Variants in SLC25A16 observed in about 807,000 individuals in gnomAD.
SLC25A16 encodes the protein mitochondrial coenzyme A transporter SLC25A16.
Under a neutral mutation model 41.5 loss-of-function variants are expected in SLC25A16, and 39 were observed. The observed-to-expected ratio is 0.94, with a 90% CI of 0.73 to 1.23. The LOEUF (loss-of-function observed/expected upper bound fraction) is 1.23, where lower values mean the gene tolerates loss of function less well. SLC25A16 is among the 50% of genes most tolerant of loss of function. The pLI is 0.00. For synonymous variants in SLC25A16, 146 were observed against 147.8 expected (o/e 0.99, Z 0.09); for missense variants, 421 against 426.9 (o/e 0.99, Z 0.12).
chr10:68,515,305 C>T (rs577253148), intron 2 of SLC25A16, among the ~76,000 whole-genome samples: 25 of 147,102 alleles, frequency 1.7e-4, no homozygotes, highest in African/African-American at 6.3e-4. Flanking sequence ...TGTGGTGAGC[C>T]GAGATAGCGC....
chr10:68,485,663 G>A (rs1412870940), intron 8 of SLC25A16, among the ~76,000 whole-genome samples: 4 of 151,876 alleles, frequency 2.6e-5, no homozygotes, highest in South Asian at 2.1e-4. Flanking sequence ...GATTATAGGC[G>A]TGAGCCACTG....
chr10:68,484,273 G>C (rs566117229), intron 8 of SLC25A16, among the ~76,000 whole-genome samples: 8 of 152,216 alleles, frequency 5.3e-5, no homozygotes, highest in African/African-American at 1.7e-4. Context: ...AACAGCAGGT[G>C]GTTATAGAAC....
intron 4 of SLC25A16, among the ~76,000 whole-genome samples, chr10:68,494,203 G>A (rs1590100226): frequency 1.3e-5 from 2 of 152,102 alleles, no homozygotes; most frequent in African/African-American, 4.8e-5. Flanking sequence ...GGTGGCTCAC[G>A]CCTGTAATCC....
At chr10:68,509,390 T>C (rs1330694951) in intron 2 of SLC25A16, among the ~76,000 whole-genome samples, 1 of 151,838 alleles carries the variant, frequency 6.6e-6, no homozygotes, top group Non-Finnish European at 1.5e-5. Flanking sequence ...TACTCCTTCC[T>C]TATAATTTGA....
intron 4 of SLC25A16, among the ~76,000 whole-genome samples, chr10:68,502,771 AG>A (rs2052871350): frequency 3.3e-5 from 2 of 60,382 alleles, no homozygotes; most frequent in Non-Finnish European, 6.5e-5. Context: ...AGGGGAGGGG[AG>A]AAGAAAAGAG....
chr10:68,521,041 G>A (rs2053241774), intron 1 of SLC25A16, among the ~76,000 whole-genome samples: 1 of 151,920 alleles, frequency 6.6e-6, no homozygotes, highest in Non-Finnish European at 1.5e-5. Context: ...GGCTGAGGCA[G>A]GAGAATCACT....
chr10:68,493,099 G>T, intron 6 of SLC25A16, 33 bp downstream of exon 6: 3 of 1,216,326 alleles, frequency 2.5e-6, no homozygotes, highest in Non-Finnish European at 3.5e-6. Flanking sequence ...TTTTAAACAT[G>T]CATATTAGGA....
chr10:68,489,933 A>G (rs962320094), intron 6 of SLC25A16, among the ~76,000 whole-genome samples: 3 of 150,166 alleles, frequency 2.0e-5, no homozygotes, highest in African/African-American at 7.4e-5. Flanking sequence ...AAAGATTCAT[A>G]AGGGATTTCT....
At chr10:68,524,341 A>G (rs2133607846) in intron 1 of SLC25A16, among the ~76,000 whole-genome samples, 1 of 135,640 alleles carries the variant, frequency 7.4e-6, no homozygotes, top group African/African-American at 2.9e-5. Context: ...AGAGAGATCG[A>G]GACCATCCTG....
At chr10:68,491,504 C>T (rs1484361164) in intron 6 of SLC25A16, among the ~76,000 whole-genome samples, 1 of 152,136 alleles carries the variant, frequency 6.6e-6, no homozygotes, top group East Asian at 1.9e-4. Context: ...GGATTACAGG[C>T]ATGAGCCACC....
At chr10:68,508,057 C>G (rs750053137) in intron 2 of SLC25A16, among the ~76,000 whole-genome samples, 2 of 151,804 alleles carry the variant, frequency 1.3e-5, no homozygotes, top group Non-Finnish European at 2.9e-5. Flanking sequence ...ATGGTGAAAC[C>G]CTGTCTCTAC....
At chr10:68,521,655 G>A (rs1264036562) in intron 1 of SLC25A16, among the ~76,000 whole-genome samples, 2 of 145,652 alleles carry the variant, frequency 1.4e-5, no homozygotes, top group Non-Finnish European at 3.0e-5. Flanking sequence ...GTGCAGTGGC[G>A]GGATCTCGGC....
intron 4 of SLC25A16, chr10:68,499,971 T>A (rs542499896): frequency 2.0e-6 from 1 of 498,032 alleles, no homozygotes; most frequent in East Asian, 4.4e-5. Context: ...AGGAATAAAG[T>A]AATCTTATAT....
intron 4 of SLC25A16, among the ~76,000 whole-genome samples, chr10:68,496,111 C>T (rs1401789130): frequency 2.0e-5 from 3 of 152,120 alleles, no homozygotes; most frequent in African/African-American, 7.2e-5. Context: ...CATTTATCTC[C>T]TCTTCTTGCA....
At chr10:68,488,810 G>C (rs2052608244) in intron 6 of SLC25A16, among the ~76,000 whole-genome samples, 181 bp from the exon 7 acceptor site, 1 of 152,074 alleles carries the variant, frequency 6.6e-6, no homozygotes, top group African/African-American at 2.4e-5. Flanking sequence ...AAAAATTATA[G>C]CTTTGGTTTT....
Position 68,503,503 on chromosome 10 carries a change from A to C in SLC25A16, c.421+129T>G, listed in dbSNP as rs1590109754. ...ACCTTTTTTTGAGGATGCACCCAGG[A>C]AAAAATACAAGTCACAGGACACCTG... On this transcript the variant is annotated intron_variant, in intron 4 of 8. Transcript: ENST00000609923. 5 of 521,284 alleles carry C rather than the reference A, an allele frequency of 9.6e-6. No individual in the cohort carries two copies. The East Asian group carries it at 1.6e-4, about 17-fold the overall frequency. 32.3% of individuals were successfully genotyped at this position (521,284 alleles called of 1,614,324 possible). A position where few individuals can be genotyped will look rare whatever the true frequency, so the allele number is the denominator to read the frequency against.
intron 2 of SLC25A16, among the ~76,000 whole-genome samples, chr10:68,509,750 TATAG>T (rs201654950): frequency 4.9e-4 from 66 of 134,354 alleles, no homozygotes; most frequent in African/African-American, 1.9e-3. Flanking sequence ...TATCTATATA[TATAG>T]ATATATAGAT....
intron 1 of SLC25A16, among the ~76,000 whole-genome samples, chr10:68,520,290 C>T (rs2053229245): frequency 1.3e-5 from 2 of 152,094 alleles, no homozygotes; most frequent in African/African-American, 4.8e-5. Context: ...TTTCACACTA[C>T]GATAGTCCCC....
At chr10:68,489,669 G>A (rs1360350989) in intron 6 of SLC25A16, among the ~76,000 whole-genome samples, 2 of 152,140 alleles carry the variant, frequency 1.3e-5, no homozygotes, top group African/African-American at 4.8e-5. Context: ...TTGGGAGGCT[G>A]AGGCAGGCAG....
Sources: allele counts gnomAD v4.1 joint callset (sites outside exome capture counted in the v4.1 genomes callset), GRCh38; gene constraint gnomAD v4.1.1; transcripts MANE v1.5; gene names NCBI Gene and HGNC (gene_info 2026-07-23, HGNC 2026-07-21).